ZBTB20: variants seen among roughly 807,000 people sequenced by gnomAD.
ZBTB20 encodes the protein zinc finger and BTB domain containing 20, also known as zinc finger and BTB domain-containing protein 20.
In ZBTB20, 9 loss-of-function variants were observed where a neutral mutation model predicts 56.9. That is an observed-to-expected ratio of 0.16 (90% CI 0.10 to 0.28). ZBTB20 has a LOEUF of 0.28. Among genes scored for constraint, ZBTB20 ranks in the 10% least tolerant of loss-of-function variants. The probability of loss-of-function intolerance (pLI) is 1.00; values close to 1 mark genes in which losing one functional copy is unlikely to be tolerated. For synonymous variants in ZBTB20, 417 were observed against 420.7 expected (o/e 0.99, Z 0.11); for missense variants, 655 against 1,003.0 (o/e 0.65, Z 4.69).
chr3:115,074,660 A>G (rs1205745205), intron 1 of ZBTB20, among the ~76,000 whole-genome samples: 5 of 152,204 alleles, frequency 3.3e-5, no homozygotes, highest in Non-Finnish European at 7.4e-5. Flanking sequence ...CAGGCACAGC[A>G]CAGCAATTGC....
At chr3:114,828,118 C>T (rs1233087426) in intron 4 of ZBTB20, among the ~76,000 whole-genome samples, 1 of 151,404 alleles carries the variant, frequency 6.6e-6, no homozygotes, top group Non-Finnish European at 1.5e-5. Context: ...ATTTATATAC[C>T]TATTGGAAGA....
At chr3:114,400,000 G>A (rs1307035130) in intron 7 of ZBTB20, among the ~76,000 whole-genome samples, 1 of 152,128 alleles carries the variant, frequency 6.6e-6, no homozygotes, top group African/African-American at 2.4e-5. Context: ...GGAAAGGGCA[G>A]TTTAAGCGGG....
chr3:114,800,621 A>G (rs1316961885), intron 5 of ZBTB20, among the ~76,000 whole-genome samples: 1 of 151,896 alleles, frequency 6.6e-6, no homozygotes, highest in East Asian at 1.9e-4. Context: ...GAATCTTGTG[A>G]TGTCATCATG....
At chr3:114,394,592 A>G (rs2086176120) in intron 7 of ZBTB20, among the ~76,000 whole-genome samples, 1 of 152,160 alleles carries the variant, frequency 6.6e-6, no homozygotes, top group Non-Finnish European at 1.5e-5. Context: ...GAACAAACGA[A>G]TCACCCAGGG....
chr3:114,878,980 A>T (rs1372043526), intron 4 of ZBTB20, among the ~76,000 whole-genome samples: 1 of 152,218 alleles, frequency 6.6e-6, no homozygotes, highest in Non-Finnish European at 1.5e-5. Context: ...CCAGGTACGA[A>T]TTGGCACCAA....
chr3:114,838,001 ACATT>A (rs2074202601), intron 4 of ZBTB20, among the ~76,000 whole-genome samples: 1 of 152,224 alleles, frequency 6.6e-6, no homozygotes, highest in African/African-American at 2.4e-5. Context: ...TCAAGTAGTG[ACATT>A]CAAACCAAAA....
intron 6 of ZBTB20, among the ~76,000 whole-genome samples, chr3:114,584,815 T>C (rs1312003398): frequency 6.6e-6 from 1 of 152,178 alleles, no homozygotes; most frequent in African/African-American, 2.4e-5. Context: ...AGTACGAGAA[T>C]GCAAGTTTTT....
chr3:114,812,816 G>A (rs1228769878), intron 4 of ZBTB20, among the ~76,000 whole-genome samples: 2 of 152,222 alleles, frequency 1.3e-5, no homozygotes, highest in East Asian at 1.9e-4. Flanking sequence ...CAGGCATGGC[G>A]GGCTGCAGGT....
At chr3:114,898,688 TG>T (rs2074985580) in intron 4 of ZBTB20, among the ~76,000 whole-genome samples, 1 of 152,158 alleles carries the variant, frequency 6.6e-6, no homozygotes, top group South Asian at 2.1e-4. Flanking sequence ...ACCTTTGTAC[TG>T]TGTTTCCTAC....
At chr3:114,598,677 G>A (rs568909927) in intron 6 of ZBTB20, among the ~76,000 whole-genome samples, 3 of 151,986 alleles carry the variant, frequency 2.0e-5, no homozygotes, top group East Asian at 3.9e-4. Context: ...AGGGATATCC[G>A]AGTGGTAAGG....
rs2079554953 is a variant in ZBTB20, at chr3:114,338,839, C to G, written c.*166G>C. 1 of 745,436 alleles carries G rather than the reference C, an allele frequency of 1.3e-6. No homozygotes were observed. Among genetic ancestry groups the G allele is most frequent in the African/African-American group, 1.8e-5 (1 of 56,368 alleles). 46.2% of individuals were successfully genotyped at this position (745,436 alleles called of 1,614,324 possible). On this transcript the variant is annotated 3_prime_UTR_variant, in exon 12 of 12. Coordinates refer to ENST00000675478, the MANE Select transcript of ZBTB20 (RefSeq NM_001348800.3). The stretch of plus-strand genomic sequence containing the variant: ...TCCGGAAATGTAATGTACCAGCAGG[C>G]AAAAAACAGTTCTTCATGTAGTACA...
At chr3:114,728,052 T>G (rs2065435492) in intron 5 of ZBTB20, among the ~76,000 whole-genome samples, 1 of 152,150 alleles carries the variant, frequency 6.6e-6, no homozygotes, top group South Asian at 2.1e-4. Context: ...ACAATCAAAT[T>G]TAATACCTGT....
intron 6 of ZBTB20, among the ~76,000 whole-genome samples, chr3:114,579,110 C>T (rs1172007204): frequency 2.0e-5 from 3 of 151,666 alleles, no homozygotes; most frequent in Admixed American, 2.0e-4. Context: ...TCAGTATACA[C>T]AAAAGAATTT....
In ZBTB20 at chr3:114,753,432, T is replaced by TATATATACAC. The variant is rs1205435166; in HGVS notation, c.-343+47668_-343+47669insGTGTATATAT. Reference sequence around the variant, plus strand: ...ACACACGTATATATATATATATATATACACACACACTTTTTTTTTTGAGAC... The same window carrying TATATATACAC: ...ACACACGTATATATATATATATATATATATATACACACACACACACTTTTTTTTTTGAGAC... On this transcript the variant is annotated intron_variant, in intron 5 of 11. Transcript: ENST00000675478. Among the ~76,000 whole-genome samples, 4 of 43,532 alleles carry TATATATACAC rather than the reference T, an allele frequency of 9.2e-5. 1 individual carries two copies. Among genetic ancestry groups the TATATATACAC allele is most frequent in the Admixed American group, 3.7e-4 (2 of 5,374 alleles). 28.6% of individuals were successfully genotyped at this position (43,532 alleles called of 152,430 possible). A position where few individuals can be genotyped will look rare whatever the true frequency, so the allele number is the denominator to read the frequency against.
chr3:115,135,326 G>A (rs1351861620), intron 1 of ZBTB20, among the ~76,000 whole-genome samples: 1 of 152,140 alleles, frequency 6.6e-6, no homozygotes. Context: ...AAAAGCCTGG[G>A]GTGGAGTGGG....
At chr3:115,112,324 G>C (rs1247222907) in intron 1 of ZBTB20, among the ~76,000 whole-genome samples, 1 of 149,548 alleles carries the variant, frequency 6.7e-6, no homozygotes, top group Non-Finnish European at 1.5e-5. Context: ...CTTTTTTTTT[G>C]AGTACTCTCT....
intron 6 of ZBTB20, among the ~76,000 whole-genome samples, chr3:114,517,670 G>A (rs898567062): frequency 3.3e-5 from 5 of 151,338 alleles, no homozygotes; most frequent in Non-Finnish European, 5.9e-5. Flanking sequence ...TCTGCCTCCC[G>A]GGTTCAAGCA....
intron 7 of ZBTB20, among the ~76,000 whole-genome samples, chr3:114,443,822 T>C (rs1414697490): frequency 6.6e-6 from 1 of 152,186 alleles, no homozygotes; most frequent in Non-Finnish European, 1.5e-5. Flanking sequence ...TATAGTATCC[T>C]AGGAAGGCAG....
chr3:114,427,904 A>G (rs577099509), intron 7 of ZBTB20, among the ~76,000 whole-genome samples: 4 of 152,348 alleles, frequency 2.6e-5, no homozygotes, highest in African/African-American at 4.8e-5. Flanking sequence ...TTGAATGTCA[A>G]TGTGACTCTG....
Sources: gnomAD v4.1 joint callset for allele counts (sites outside exome capture counted in the v4.1 genomes callset) on GRCh38, gnomAD v4.1.1 for gene constraint, MANE v1.5 for transcripts, NCBI Gene and HGNC (gene_info 2026-07-23, HGNC 2026-07-21) for gene names.